The following WWOX variants were observed in gnomAD, a reference collection of about 807,000 sequenced individuals.
The protein encoded by WWOX is WW domain-containing oxidoreductase.
In WWOX, 69 loss-of-function variants were observed where a neutral mutation model predicts 46.2. The observed-to-expected ratio is 1.49, with a 90% CI of 1.23 to 1.82. WWOX has a LOEUF of 1.82. Ranked by LOEUF, WWOX falls within the 40% of genes most tolerant of loss-of-function variation. The pLI is 0.00. For missense variants in WWOX, 919 were observed against 542.6 expected, an observed-to-expected ratio of 1.69 and a Z score of -6.89; for synonymous variants, 359 against 202.6, an observed-to-expected ratio of 1.77 and a Z score of -6.56.
At chr16:79,047,893 ACT>A (rs139995895) in intron 8 of WWOX, among the ~76,000 whole-genome samples, 3,512 of 151,510 alleles carry the variant, frequency 0.023, 120 homozygotes, top group African/African-American at 0.078. Context: ...AGATTCACAG[ACT>A]CTGCATTTTG....
At chr16:79,025,587 C>A (rs377086021) in intron 8 of WWOX, among the ~76,000 whole-genome samples, 45 of 152,198 alleles carry the variant, frequency 3.0e-4, no homozygotes, top group African/African-American at 1.0e-3. Flanking sequence ...AATAGGTTCT[C>A]CTCAGAGCCC....
intron 5 of WWOX, among the ~76,000 whole-genome samples, chr16:78,166,390 T>A (rs1286598721): frequency 1.3e-5 from 2 of 152,212 alleles, no homozygotes; most frequent in African/African-American, 2.4e-5. Context: ...TACGATATCA[T>A]CTGATATTGG....
rs781579424 is a variant in WWOX, at chr16:78,940,970, A to G, written c.1057-270638A>G. ...CCCCACCCCATCCCACTCATATTTC[A>G]TAAGGGTCTTCTGGAACCTGCATGG... On this transcript the variant is annotated intron_variant, in intron 8 of 8. Coordinates refer to ENST00000566780, the MANE Select transcript of WWOX (RefSeq NM_016373.4). Among the ~76,000 whole-genome samples the G allele has an allele frequency of 3.8e-4, 58 of 151,264 alleles. No individual in the cohort carries two copies. In the Middle Eastern group the frequency reaches 0.014, roughly 35 times the overall value.
intron 8 of WWOX, among the ~76,000 whole-genome samples, chr16:78,723,712 G>A (rs138030284): frequency 7.0e-6 from 1 of 142,698 alleles, no homozygotes; most frequent in East Asian, 2.1e-4. Context: ...TCCGGGCATT[G>A]GAGTGCTCTC....
chr16:78,969,659 C>T (rs1033433489), intron 8 of WWOX, among the ~76,000 whole-genome samples: 2 of 152,006 alleles, frequency 1.3e-5, no homozygotes, highest in African/African-American at 4.8e-5. Context: ...AGGGAGTTTC[C>T]TGCAGCTTTA....
intron 8 of WWOX, among the ~76,000 whole-genome samples, chr16:78,861,816 T>G (rs2043891241): frequency 6.6e-6 from 1 of 152,190 alleles, no homozygotes; most frequent in Non-Finnish European, 1.5e-5. Context: ...TTGAAATAGG[T>G]AAAGCACAAA....
intron 8 of WWOX, among the ~76,000 whole-genome samples, chr16:78,899,821 C>T (rs552863102): frequency 5.3e-5 from 8 of 152,230 alleles, no homozygotes; most frequent in African/African-American, 1.2e-4. Flanking sequence ...GGAAAACTAG[C>T]GCGTGGTCTG....
chr16:78,738,741 A>G (rs1364292), intron 8 of WWOX, among the ~76,000 whole-genome samples: 40,818 of 151,980 alleles, frequency 0.27, 8,681 homozygotes, highest in African/African-American at 0.59. Flanking sequence ...TGTGAATGCG[A>G]ACAGAGGCTG....
At chr16:78,270,884 T>G (rs1195604556) in intron 5 of WWOX, among the ~76,000 whole-genome samples, 2 of 152,124 alleles carry the variant, frequency 1.3e-5, no homozygotes, top group East Asian at 3.9e-4. Flanking sequence ...GGCCCGAAGA[T>G]GAAGGTACTT....
Position 78,347,036 on chromosome 16 carries a change from T to G in WWOX, c.517-39824T>G, listed in dbSNP as rs540625735. Among the ~76,000 whole-genome samples the G allele has an allele frequency of 4.3e-3, 508 of 119,038 alleles. 97 individuals are homozygous for G. The highest frequency in any genetic ancestry group is 0.014 in the African/African-American group (488 of 35,052). The allele number at this position is 119,038 out of a possible 152,430, so 78.1% of individuals were successfully genotyped here. A position where few individuals can be genotyped will look rare whatever the true frequency, so the allele number is the denominator to read the frequency against. On this transcript the variant is annotated intron_variant, in intron 5 of 8. Transcript: ENST00000566780. ...CACAGCGCCCGGTGGTCATATCTCT[T>G]TCTTGCGTTTTTGTGGGGGTTGGGG...
chr16:78,404,329 A>G (rs767401315), intron 6 of WWOX, among the ~76,000 whole-genome samples: 1 of 152,170 alleles, frequency 6.6e-6, no homozygotes, highest in Non-Finnish European at 1.5e-5. Flanking sequence ...TATGCCAAGC[A>G]TAACCCTAGG....
chr16:78,709,387 G>C (rs2048391129), intron 8 of WWOX, among the ~76,000 whole-genome samples: 1 of 152,208 alleles, frequency 6.6e-6, no homozygotes, highest in Non-Finnish European at 1.5e-5. Flanking sequence ...CGGCCATTCC[G>C]GTTCACAGGG....
At chr16:78,606,885 G>T (rs944821913) in intron 8 of WWOX, among the ~76,000 whole-genome samples, 1 of 152,140 alleles carries the variant, frequency 6.6e-6, no homozygotes, top group African/African-American at 2.4e-5. Context: ...GGCAGGGATT[G>T]TTGGGGAGAA....
intron 8 of WWOX, among the ~76,000 whole-genome samples, chr16:78,928,840 C>T (rs539539254): frequency 6.6e-6 from 1 of 152,306 alleles, no homozygotes; most frequent in South Asian, 2.1e-4. Context: ...CCAAGCTTCT[C>T]TGTCAAGAGA....
intron 8 of WWOX, among the ~76,000 whole-genome samples, chr16:78,564,736 A>G (rs1005295724): frequency 2.0e-5 from 3 of 152,252 alleles, no homozygotes; most frequent in South Asian, 2.1e-4. Context: ...ACCATATGGT[A>G]CCTCTCTGGC....
At chr16:78,583,077 C>T (rs914099350) in intron 8 of WWOX, among the ~76,000 whole-genome samples, 8 of 152,228 alleles carry the variant, frequency 5.3e-5, no homozygotes, top group Non-Finnish European at 1.0e-4. Flanking sequence ...CCGAGCAGAG[C>T]TCTTGAAGAA....
At chr16:79,061,951 C>T (rs9940608) in intron 8 of WWOX, among the ~76,000 whole-genome samples, 25,983 of 152,092 alleles carry the variant, frequency 0.17, 2,707 homozygotes, top group African/African-American at 0.29. Context: ...GGACTTCAGA[C>T]GCTAGCCTCC....
intron 8 of WWOX, among the ~76,000 whole-genome samples, chr16:78,766,039 C>G (rs2142503853): frequency 6.6e-6 from 1 of 152,324 alleles, no homozygotes; most frequent in South Asian, 2.1e-4. Context: ...TTACAGAGCC[C>G]AGGCACACAG....
chr16:78,974,693 A>G (rs1400590116), intron 8 of WWOX, among the ~76,000 whole-genome samples: 1 of 152,176 alleles, frequency 6.6e-6, no homozygotes, highest in Non-Finnish European at 1.5e-5. Flanking sequence ...TGGCTACCTA[A>G]TGGTGTTTAC....
Sources: gnomAD v4.1 joint callset for allele counts (sites outside exome capture counted in the v4.1 genomes callset) on GRCh38, gnomAD v4.1.1 for gene constraint, MANE v1.5 for transcripts, NCBI Gene and HGNC (gene_info 2026-07-23, HGNC 2026-07-21) for gene names.